NLGN1: variants seen among roughly 807,000 people sequenced by gnomAD.
The protein encoded by NLGN1 is neuroligin 1, also known as neuroligin-1.
NLGN1 carries 12 observed loss-of-function variants against 65.5 expected under a neutral mutation model. The observed-to-expected ratio is 0.18, with a 90% CI of 0.12 to 0.30. The LOEUF (loss-of-function observed/expected upper bound fraction) is 0.30. Ranked by LOEUF, NLGN1 falls within the 10% of genes least tolerant of loss-of-function variation. The pLI is 1.00. For synonymous variants in NLGN1, 350 were observed against 359.5 expected, an observed-to-expected ratio of 0.97 and a Z score of 0.30; for missense variants, 750 against 1,007.1, an observed-to-expected ratio of 0.74 and a Z score of 3.46.
chr3:173,895,491 A>G (rs965805564), intron 4 of NLGN1, among the ~76,000 whole-genome samples: 2 of 152,248 alleles, frequency 1.3e-5, no homozygotes, highest in South Asian at 2.1e-4. Flanking sequence ...ACCATATAAC[A>G]GGGTACTCAG....
At chr3:173,693,192 T>G (rs1220190402) in intron 3 of NLGN1, among the ~76,000 whole-genome samples, 1 of 152,128 alleles carries the variant, frequency 6.6e-6, no homozygotes, top group East Asian at 1.9e-4. Flanking sequence ...CTGGGGATCT[T>G]CTGGTATTGA....
At chr3:173,767,619 C>T (rs1778969055) in intron 3 of NLGN1, among the ~76,000 whole-genome samples, 1 of 151,872 alleles carries the variant, frequency 6.6e-6, no homozygotes, top group Non-Finnish European at 1.5e-5. Flanking sequence ...TTAAATTGTC[C>T]AGCCAATTCA....
chr3:174,123,988 T>A (rs1351731811), intron 4 of NLGN1, among the ~76,000 whole-genome samples: 1 of 152,038 alleles, frequency 6.6e-6, no homozygotes, highest in Non-Finnish European at 1.5e-5. Context: ...TATCTAGAGG[T>A]AGGGTCTTTA....
chr3:173,695,272 A>G (rs1426119286), intron 3 of NLGN1, among the ~76,000 whole-genome samples: 1 of 152,212 alleles, frequency 6.6e-6, no homozygotes, highest in African/African-American at 2.4e-5. Context: ...ACAACCAAAC[A>G]TTATTAATAC....
At chr3:173,694,214 A>G (rs922351824) in intron 3 of NLGN1, among the ~76,000 whole-genome samples, 1 of 152,080 alleles carries the variant, frequency 6.6e-6, no homozygotes, top group Non-Finnish European at 1.5e-5. Flanking sequence ...AATAAGGTCA[A>G]TTTTGAATTA....
intron 3 of NLGN1, among the ~76,000 whole-genome samples, chr3:173,700,300 A>C (rs982067818): frequency 2.6e-5 from 4 of 152,212 alleles, no homozygotes; most frequent in African/African-American, 7.2e-5. Flanking sequence ...TTTGAAAGCA[A>C]TCAAAAGAGC....
chr3:174,166,649 A>G (rs1321830637), intron 4 of NLGN1, among the ~76,000 whole-genome samples: 1 of 152,056 alleles, frequency 6.6e-6, no homozygotes, highest in Non-Finnish European at 1.5e-5. Flanking sequence ...AGGAGAATGT[A>G]TATCCTGTGG....
intron 4 of NLGN1, among the ~76,000 whole-genome samples, chr3:174,080,552 G>A (rs1741945724): frequency 6.6e-6 from 1 of 152,140 alleles, no homozygotes; most frequent in Non-Finnish European, 1.5e-5. Context: ...GCTGGCACAT[G>A]TGCAGTGGGC....
At chr3:173,501,797 A>C (rs1471009667) in intron 2 of NLGN1, among the ~76,000 whole-genome samples, 1 of 152,004 alleles carries the variant, frequency 6.6e-6, no homozygotes, top group Admixed American at 6.6e-5. Flanking sequence ...TATAGATAGA[A>C]GATTTTTATC....
At chr3:173,977,035 G>T (rs1717617806) in intron 4 of NLGN1, among the ~76,000 whole-genome samples, 1 of 151,858 alleles carries the variant, frequency 6.6e-6, no homozygotes, top group South Asian at 2.1e-4. Flanking sequence ...AGATAGAATT[G>T]TGAGCAAATA....
At chr3:174,256,140 T>A (rs1314239699) in intron 4 of NLGN1, among the ~76,000 whole-genome samples, 1 of 152,200 alleles carries the variant, frequency 6.6e-6, no homozygotes, top group Admixed American at 6.5e-5. Flanking sequence ...GGAAGTTCAT[T>A]CATTTGTTAT....
intron 2 of NLGN1, among the ~76,000 whole-genome samples, chr3:173,476,045 A>G (rs1438717822): frequency 6.6e-6 from 1 of 152,210 alleles, no homozygotes; most frequent in Non-Finnish European, 1.5e-5. Context: ...ACAGTGCCTT[A>G]TAAATATTGA....
At chr3:173,696,190 A>G (rs1309503401) in intron 3 of NLGN1, among the ~76,000 whole-genome samples, 1 of 152,230 alleles carries the variant, frequency 6.6e-6, no homozygotes, top group Admixed American at 6.5e-5. Context: ...CTATTAGAAT[A>G]TACAATTCAA....
chr3:173,821,408 T>C (rs1305815718), intron 4 of NLGN1, among the ~76,000 whole-genome samples: 1 of 152,184 alleles, frequency 6.6e-6, no homozygotes, highest in Non-Finnish European at 1.5e-5. Flanking sequence ...GATGAGTTTA[T>C]TCCTATGTTA....
At chr3:173,733,684 A>G (rs375163346) in intron 3 of NLGN1, among the ~76,000 whole-genome samples, 10 of 152,098 alleles carry the variant, frequency 6.6e-5, no homozygotes, top group African/African-American at 2.4e-4. Flanking sequence ...TTCTGTATAT[A>G]AACCATTTTT....
intron 2 of NLGN1, among the ~76,000 whole-genome samples, chr3:173,450,485 G>T (rs1335570756): frequency 2.0e-5 from 3 of 152,104 alleles, no homozygotes; most frequent in East Asian, 1.9e-4. Flanking sequence ...CTCTCGGGCT[G>T]CCCTTAACAT....
intron 4 of NLGN1, among the ~76,000 whole-genome samples, chr3:174,211,093 G>A (rs913194392): frequency 2.0e-5 from 3 of 152,188 alleles, no homozygotes; most frequent in African/African-American, 7.2e-5. Context: ...GCTCGCTCAG[G>A]AGTGAAGCTG....
At chr3:173,914,533 A>G (rs1023857690) in intron 4 of NLGN1, among the ~76,000 whole-genome samples, 12 of 125,012 alleles carry the variant, frequency 9.6e-5, no homozygotes, top group African/African-American at 3.5e-4. Context: ...ATACATCTAT[A>G]CATACACACA....
At chr3:173,873,227 T>G (rs370561042) in intron 4 of NLGN1, among the ~76,000 whole-genome samples, 7 of 152,050 alleles carry the variant, frequency 4.6e-5, no homozygotes, top group African/African-American at 1.4e-4. Context: ...TAGCTGGGAT[T>G]ACAGGTGCAT....
Sources: allele counts gnomAD v4.1 joint callset (sites outside exome capture counted in the v4.1 genomes callset), GRCh38; gene constraint gnomAD v4.1.1; transcripts MANE v1.5; gene names NCBI Gene and HGNC (gene_info 2026-07-23, HGNC 2026-07-21).